NTRK2: variants seen among roughly 807,000 people sequenced by gnomAD.
NTRK2 encodes neurotrophic receptor tyrosine kinase 2, also known as BDNF/NT-3 growth factors receptor.
NTRK2 carries 13 observed loss-of-function variants against 94.5 expected under a neutral mutation model. The observed-to-expected ratio is 0.14, with a 90% CI of 0.09 to 0.22. The LOEUF is 0.22. Ranked by LOEUF, NTRK2 falls within the 10% of genes least tolerant of loss-of-function variation. NTRK2 has a pLI of 1.00. For synonymous variants in NTRK2, 372 were observed against 407.4 expected (o/e 0.91, Z 1.05); for missense variants, 639 against 1,071.2 (o/e 0.60, Z 5.63).
At chr9:84,882,719 T>TGTGTGCGTGCGC (rs761042296) in intron 14 of NTRK2, among the ~76,000 whole-genome samples, 1 of 145,742 alleles carries the variant, frequency 6.9e-6, no homozygotes, top group African/African-American at 2.6e-5. Context: ...TGTGTGTGTG[T>TGTGTGCGTGCGC]GCGCGCGCGC....
intron 12 of NTRK2, among the ~76,000 whole-genome samples, chr9:84,755,525 C>CTTTTTTTTTTTTTTTTTTTTTTTTTTTTT (rs745611460): frequency 1.6e-5 from 1 of 60,644 alleles, no homozygotes; most frequent in Non-Finnish European, 3.2e-5. Context: ...AGTCCCACCT[C>CTTTTTTTTTTTTTTTTTTTTTTTTTTTTT]TTTTTTTTTT....
intron 12 of NTRK2, among the ~76,000 whole-genome samples, chr9:84,859,784 C>T (rs1275771574): frequency 6.6e-6 from 1 of 152,196 alleles, no homozygotes; most frequent in Non-Finnish European, 1.5e-5. Flanking sequence ...ACTAAGAAAT[C>T]CATAGGCAGG....
chr9:84,897,053 C>T (rs1208292090), intron 14 of NTRK2, among the ~76,000 whole-genome samples: 2 of 152,130 alleles, frequency 1.3e-5, no homozygotes, highest in African/African-American at 2.4e-5. Context: ...GCAACCAAAG[C>T]CCAGGGATTG....
chr9:84,969,510 A>T (rs889276118), intron 17 of NTRK2, among the ~76,000 whole-genome samples: 1 of 152,272 alleles, frequency 6.6e-6, no homozygotes, highest in African/African-American at 2.4e-5. Context: ...ATTACAAAAG[A>T]ACAGCGTTGC....
intron 17 of NTRK2, among the ~76,000 whole-genome samples, chr9:84,973,499 C>G (rs1826432577): frequency 2.0e-5 from 3 of 152,180 alleles, no homozygotes; most frequent in Admixed American, 2.0e-4. Context: ...GAACAGGTTC[C>G]TCATTCTCAA....
intron 17 of NTRK2, among the ~76,000 whole-genome samples, chr9:85,017,641 C>G (rs964142326): frequency 1.3e-5 from 2 of 152,130 alleles, no homozygotes; most frequent in African/African-American, 2.4e-5. Context: ...GCCTCAGTCC[C>G]TGATGGATCT....
chr9:84,672,286 T>G (rs954131939), intron 2 of NTRK2, among the ~76,000 whole-genome samples: 2 of 152,190 alleles, frequency 1.3e-5, no homozygotes, highest in Admixed American at 1.3e-4. Context: ...AGGCCTAGCA[T>G]AGCTGAGATG....
rs1832919228 is a variant in NTRK2, at chr9:85,024,136, C to G, written c.*2699C>G. 4.3e-6 allele frequency: 1 copy of G among 231,310 alleles called. No individual in the cohort carries two copies. Among genetic ancestry groups the G allele is most frequent in the African/African-American group, 2.2e-5 (1 of 45,234 alleles). The allele number at this position is 231,310 out of a possible 1,614,324, so 14.3% of individuals were successfully genotyped here. ...TTGCTGATTATTACTATTACTATCT[C>G]TGTTGTCTTAAGAGTATGTGCTGAT... On this transcript the variant is annotated 3_prime_UTR_variant, in exon 19 of 19. Coordinates refer to ENST00000277120, the MANE Select transcript of NTRK2 (RefSeq NM_006180.6).
chr9:85,022,047 C>A lies in NTRK2; in HGVS notation c.*610C>A. ...GTGTATAAAAAAGAAAACTTGTGTT[C>A]AATCTGTGAAGCCTTTATCTATGGG... On this transcript the variant is annotated 3_prime_UTR_variant, in exon 19 of 19. Coordinates refer to ENST00000277120, the MANE Select transcript of NTRK2 (RefSeq NM_006180.6). 1 of 234,116 alleles carries A rather than the reference C, an allele frequency of 4.3e-6. No individual in the cohort carries two copies. 14.5% of individuals were successfully genotyped at this position (234,116 alleles called of 1,614,324 possible).
rs1828235490 is a variant in NTRK2, at chr9:84,985,916, AG to A, written c.2172+30402del. Reference sequence around the variant, plus strand: ...ATGGGAAAGAGGAGGAAATGAGGAGAGGGTGTGGGAAGGGGCAAGGAACACT... The same window carrying A: ...ATGGGAAAGAGGAGGAAATGAGGAGAGGTGTGGGAAGGGGCAAGGAACACT... On this transcript the variant is annotated intron_variant, in intron 17 of 18. Transcript: ENST00000277120. Among the ~76,000 whole-genome samples, 10 of 152,200 alleles carry A rather than the reference AG, an allele frequency of 6.6e-5. No individual in the cohort carries two copies. The South Asian group carries it at 2.1e-3, about 32-fold the overall frequency.
chr9:84,765,098 G>T (rs2065909961), intron 12 of NTRK2, among the ~76,000 whole-genome samples: 1 of 152,164 alleles, frequency 6.6e-6, no homozygotes, highest in Admixed American at 6.6e-5. Flanking sequence ...GATGGTTAAT[G>T]AGTACAAAAA....
intron 14 of NTRK2, among the ~76,000 whole-genome samples, chr9:84,910,301 C>G (rs921231947): frequency 2.0e-5 from 3 of 152,166 alleles, no homozygotes; most frequent in Non-Finnish European, 4.4e-5. Context: ...AAACCAGTAT[C>G]ATCAGGGCCA....
intron 12 of NTRK2, among the ~76,000 whole-genome samples, chr9:84,821,714 T>C (rs2072848311): frequency 6.6e-6 from 1 of 152,110 alleles, no homozygotes; most frequent in Non-Finnish European, 1.5e-5. Flanking sequence ...TAAATGATGC[T>C]GCTGATTTTG....
Position 84,727,679 on chromosome 9 carries a change from A to T in NTRK2, c.879A>T (p.Glu293Asp). 2 of 1,612,872 alleles carry T rather than the reference A, an allele frequency of 1.2e-6. No individual in the cohort carries two copies. Residue 293 changes from glutamate (E) to aspartate (D), a missense_variant, in exon 9 of 19, where the codon GAA (glutamate) becomes GAT (aspartate). Glu to Asp is a conservative substitution (Grantham distance 45, BLOSUM62 2). Coordinates refer to ENST00000277120, the MANE Select transcript of NTRK2 (RefSeq NM_006180.6). ...VHFAPTITFL[E>D]SPTSDHHWCI... ...TTGCACCAACTATCACATTTCTCGAATCTCCAACCTCAGACCACCACTGGT... is the reference window on the plus strand; with the variant it reads ...TTGCACCAACTATCACATTTCTCGATTCTCCAACCTCAGACCACCACTGGT...
chr9:84,846,150 T>C (rs1450383891), intron 12 of NTRK2, among the ~76,000 whole-genome samples: 1 of 152,224 alleles, frequency 6.6e-6, no homozygotes, highest in East Asian at 1.9e-4. Flanking sequence ...TGCTTAGTTG[T>C]GTGGATTCAA....
At chr9:85,005,491 A>T (rs530904852) in intron 17 of NTRK2, among the ~76,000 whole-genome samples, 1 of 152,310 alleles carries the variant, frequency 6.6e-6, no homozygotes, top group African/African-American at 2.4e-5. Context: ...AATATTATGT[A>T]ATGTGCCTTA....
Position 84,718,887 on chromosome 9 carries a change from C to T in NTRK2, c.584-4686C>T, listed in dbSNP as rs150120976. ...ATTGAATCTTTGGCCAGCATATTAA[C>T]GCTGTAGAATTAACATGAGTCAGAT... On this transcript the variant is annotated intron_variant, in intron 6 of 18. Transcript: ENST00000277120. Among the ~76,000 whole-genome samples the T allele has an allele frequency of 1.1e-3, 165 of 152,240 alleles. 3 individuals are homozygous for T. In the South Asian group the frequency reaches 0.016, roughly 15 times the overall value.
chr9:84,899,398 C>T (rs1374630777), intron 14 of NTRK2, among the ~76,000 whole-genome samples: 1 of 152,180 alleles, frequency 6.6e-6, no homozygotes, highest in African/African-American at 2.4e-5. Context: ...TATATTTGTA[C>T]CTCCAATCTC....
intron 14 of NTRK2, among the ~76,000 whole-genome samples, chr9:84,928,773 A>G (rs558046020): frequency 6.6e-6 from 1 of 152,328 alleles, no homozygotes; most frequent in Admixed American, 6.5e-5. Context: ...CAGGCTCTGC[A>G]TTTAGGACCA....
Sources: allele counts gnomAD v4.1 joint callset (sites outside exome capture counted in the v4.1 genomes callset), GRCh38; gene constraint gnomAD v4.1.1; transcripts MANE v1.5; gene names NCBI Gene and HGNC (gene_info 2026-07-23, HGNC 2026-07-21).